The following MINDY3 variants were observed in gnomAD, a reference collection of about 807,000 sequenced individuals.
MINDY3 encodes ubiquitin carboxyl-terminal hydrolase MINDY-3.
MINDY3 carries 38 observed loss-of-function variants against 69.2 expected under a neutral mutation model. The ratio of observed to expected loss-of-function variants is 0.55; its 90% CI spans 0.42 to 0.72. The LOEUF (loss-of-function observed/expected upper bound fraction) is 0.72. MINDY3 is among the 30% of genes least tolerant of loss of function. The pLI is 0.00. For missense variants in MINDY3, 522 were observed against 519.0 expected (o/e 1.01, Z -0.06); for synonymous variants, 192 against 180.1 (o/e 1.07, Z -0.53).
At chr10:15,794,958 T>G (rs1029813731) in intron 11 of MINDY3, among the ~76,000 whole-genome samples, 3 of 151,146 alleles carry the variant, frequency 2.0e-5, no homozygotes, top group Non-Finnish European at 4.4e-5. Context: ...TAAGATTTTC[T>G]GATCCTTTCC....
intron 1 of MINDY3, among the ~76,000 whole-genome samples, chr10:15,848,824 C>T (rs1001572642): frequency 2.6e-5 from 4 of 151,948 alleles, no homozygotes; most frequent in Admixed American, 6.6e-5. Flanking sequence ...TCTGGATAAC[C>T]CTGTGAAGAT....
intron 10 of MINDY3, among the ~76,000 whole-genome samples, chr10:15,815,581 T>C (rs1417688810): frequency 1.3e-5 from 2 of 152,210 alleles, no homozygotes; most frequent in Non-Finnish European, 2.9e-5. Flanking sequence ...AATACAATTC[T>C]GTATCTTCCT....
Position 15,843,255 on chromosome 10 carries a change from C to A in MINDY3, c.192G>T (p.Lys64Asn). ...IAPVQAFLLK[K>N]LLFSSEKSSW... is the part of the protein sequence containing the mutation. ...AAGACTTCTCCGAAGAAAACAGGAG[C>A]TTCTTCAAAAGAAATGCCTTTACAC... Residue 64 changes from lysine (K) to asparagine (N), a missense_variant, in exon 3 of 15, where the codon AAG becomes AAT. Coordinates refer to ENST00000277632, the MANE Select transcript of MINDY3 (RefSeq NM_024948.4). 1 of 1,612,580 alleles carries A rather than the reference C, an allele frequency of 6.2e-7. No individual in the cohort carries two copies. Among genetic ancestry groups the A allele is most frequent in the Non-Finnish European group, 8.5e-7 (1 of 1,178,760 alleles).
chr10:15,800,819 C>T (rs1360983679), intron 10 of MINDY3, among the ~76,000 whole-genome samples: 1 of 152,168 alleles, frequency 6.6e-6, no homozygotes, highest in African/African-American at 2.4e-5. Flanking sequence ...TACAAACCTT[C>T]CGCTTTTTGC....
chr10:15,790,762 A>G (rs1837347967), intron 11 of MINDY3, among the ~76,000 whole-genome samples: 1 of 152,122 alleles, frequency 6.6e-6, no homozygotes, highest in African/African-American at 2.4e-5. Flanking sequence ...AACATCCCTG[A>G]TCTGGTCCAA....
rs61844798 is a variant in MINDY3 at position 15,853,401 on chromosome 10, T to C, written c.95-5458A>G. Among the ~76,000 whole-genome samples, 1,087 of 152,222 alleles carry C rather than the reference T, an allele frequency of 7.1e-3. 5 individuals carry two copies. Among genetic ancestry groups the C allele is most frequent in the Middle Eastern group, 0.014 (4 of 294 alleles). On this transcript the variant is annotated intron_variant, in intron 1 of 14. Transcript: ENST00000277632. ...TTCGCTGTGTTGACATTCACAGTGA[T>C]GGTACAAAAGCTATGGTGTAATACA...
At chr10:15,827,176 T>TAAAA (rs56332799) in intron 8 of MINDY3, among the ~76,000 whole-genome samples, 26 of 44,850 alleles carry the variant, frequency 5.8e-4, no homozygotes, top group African/African-American at 2.6e-3. Context: ...ATAACAGGAG[T>TAAAA]AAAAAAAAAA....
chr10:15,790,078 T>G (rs1837295853), intron 11 of MINDY3, among the ~76,000 whole-genome samples: 2 of 152,082 alleles, frequency 1.3e-5, no homozygotes, highest in Non-Finnish European at 2.9e-5. Context: ...TAAATCAGCT[T>G]CCAATGTCCT....
chr10:15,813,970 C>A (rs1330711426), intron 10 of MINDY3, among the ~76,000 whole-genome samples: 4 of 144,828 alleles, frequency 2.8e-5, no homozygotes, highest in Admixed American at 2.7e-4. Context: ...AGCAAACTCA[C>A]CAAAACTCAA....
At chr10:15,811,044 C>G (rs1254584577) in intron 10 of MINDY3, among the ~76,000 whole-genome samples, 1 of 151,918 alleles carries the variant, frequency 6.6e-6, no homozygotes, top group Non-Finnish European at 1.5e-5. Context: ...CCAGTATTGG[C>G]AAAGATGTGG....
In MINDY3 at chr10:15,779,061, G is replaced by A. The variant is rs1168283955; in HGVS notation, c.1269C>T (p.Arg423=). Residue 423 remains arginine (R), a synonymous_variant, in exon 15 of 15, where the codon CGC becomes CGT. Coordinates refer to ENST00000277632, the MANE Select transcript of MINDY3 (RefSeq NM_024948.4). ...TGTATGGCCATTTGGTTTGCAGACAGCGTTTAATAGGAGTGTCATCTGTCT... is the reference window on the plus strand; with the variant it reads ...TGTATGGCCATTTGGTTTGCAGACAACGTTTAATAGGAGTGTCATCTGTCT... ...MLQTDDTPIK[R]CLQTKWPYIE... 4 of 1,613,520 alleles carry A rather than the reference G, an allele frequency of 2.5e-6. No individual in the cohort carries two copies. Among genetic ancestry groups the A allele is most frequent in the African/African-American group, 1.3e-5 (1 of 74,878 alleles).
chr10:15,833,284 G>C (rs933354717), intron 8 of MINDY3, among the ~76,000 whole-genome samples: 2 of 152,160 alleles, frequency 1.3e-5, no homozygotes, highest in Non-Finnish European at 2.9e-5. Context: ...ACCAGGCTTT[G>C]TAATGCTCCA....
At chr10:15,818,866 C>T (rs186123432) in intron 9 of MINDY3, among the ~76,000 whole-genome samples, 1 of 152,184 alleles carries the variant, frequency 6.6e-6, no homozygotes, top group East Asian at 1.9e-4. Flanking sequence ...GGGTTTAGAG[C>T]TCCTTTTGTG....
intron 8 of MINDY3, among the ~76,000 whole-genome samples, chr10:15,824,942 T>C (rs1479900150): frequency 6.6e-6 from 1 of 152,194 alleles, no homozygotes; most frequent in African/African-American, 2.4e-5. Flanking sequence ...CTTAACATTT[T>C]TACCTTCTTA....
chr10:15,810,825 T>TA (rs1419042769), intron 10 of MINDY3, among the ~76,000 whole-genome samples: 17 of 152,088 alleles, frequency 1.1e-4, no homozygotes, highest in Admixed American at 3.9e-4. Flanking sequence ...CAGAATATAT[T>TA]AAAAAACTCT....
At chr10:15,803,930 C>CTT (rs1225094336) in intron 10 of MINDY3, among the ~76,000 whole-genome samples, 1 of 151,860 alleles carries the variant, frequency 6.6e-6, no homozygotes, top group African/African-American at 2.4e-5. Context: ...AGTTGTAATA[C>CTT]TTAGGAGAAA....
intron 11 of MINDY3, among the ~76,000 whole-genome samples, chr10:15,793,738 C>A (rs1025764526): frequency 1.3e-5 from 2 of 151,986 alleles, no homozygotes; most frequent in African/African-American, 4.8e-5. Context: ...CTCCAAAGAA[C>A]AAAAACAAGG....
chr10:15,831,673 C>CTT (rs10716234), intron 8 of MINDY3, among the ~76,000 whole-genome samples: 51 of 121,334 alleles, frequency 4.2e-4, no homozygotes, highest in African/African-American at 6.8e-4. Context: ...GCCTCCTTTT[C>CTT]TTTTTTTTTT....
chr10:15,840,277 T>C (rs1407629820), intron 4 of MINDY3, among the ~76,000 whole-genome samples: 2 of 151,720 alleles, frequency 1.3e-5, no homozygotes, highest in Non-Finnish European at 3.0e-5. Flanking sequence ...TGTTTTCCAC[T>C]TGTTGTCTTC....
Sources: gnomAD v4.1 joint callset for allele counts (sites outside exome capture counted in the v4.1 genomes callset) on GRCh38, gnomAD v4.1.1 for gene constraint, MANE v1.5 for transcripts, NCBI Gene and HGNC (gene_info 2026-07-23, HGNC 2026-07-21) for gene names.